TMEM248: variants seen among roughly 807,000 people sequenced by gnomAD.
TMEM248 encodes UPF0458 protein C7orf42.
Under a neutral mutation model 30.3 loss-of-function variants are expected in TMEM248, and 9 were observed. That is an observed-to-expected ratio of 0.30 (90% CI 0.18 to 0.52). TMEM248 has a LOEUF of 0.52. Among genes scored for constraint, TMEM248 ranks in the 20% least tolerant of loss-of-function variants. The pLI is 0.97. For missense variants in TMEM248, 338 were observed against 403.3 expected (o/e 0.84, Z 1.39); for synonymous variants, 184 against 154.4 (o/e 1.19, Z -1.42).
chr7:66,953,383 G>A lies in TMEM248; in HGVS notation c.924+14G>A. On this transcript the variant is annotated intron_variant, in intron 6 of 6. Coordinates refer to ENST00000341567, the MANE Select transcript of TMEM248 (RefSeq NM_017994.5). ...TGTCCCGAGAAGGTGAGCGGTGGAT[G>A]GGGTCCGGGCCAGCATTTTACTAGA... is the stretch of plus-strand genomic sequence containing the variant. The A allele has an allele frequency of 5.0e-6, 8 of 1,613,318 alleles. No homozygotes were observed. The highest frequency in any genetic ancestry group is 6.8e-6 in the Non-Finnish European group (8 of 1,179,432).
rs567206660 is a variant in TMEM248, at chr7:66,948,411, A to C, written c.446-133A>C. 4 of 1,086,860 alleles carry C rather than the reference A, an allele frequency of 3.7e-6. No individual in the cohort carries two copies. The South Asian group carries it at 6.1e-5, about 17-fold the overall frequency. 67.3% of individuals were successfully genotyped at this position (1,086,860 alleles called of 1,614,324 possible). ...AGGGTCAGGACTGCTCTTCTTCCTC[A>C]GATCCCACAAAGGCAGGTGCCTGGG... is the stretch of plus-strand genomic sequence containing the variant. On this transcript the variant is annotated intron_variant, in intron 3 of 6. Coordinates refer to ENST00000341567, the MANE Select transcript of TMEM248 (RefSeq NM_017994.5).
intron 5 of TMEM248, 133 bp downstream of exon 5, chr7:66,951,268 G>A: frequency 1.2e-6 from 1 of 807,836 alleles, no homozygotes; most frequent in Non-Finnish European, 1.8e-6. Flanking sequence ...TAGATTTCCA[G>A]GTGAGTTAGG....
chr7:66,926,204 C>T (rs901071410), intron 1 of TMEM248, among the ~76,000 whole-genome samples: 3 of 152,166 alleles, frequency 2.0e-5, no homozygotes, highest in African/African-American at 7.2e-5. Flanking sequence ...GTCCCTTGCC[C>T]ATTTTTTAAT....
At chr7:66,935,872 A>G (rs750914558) in intron 1 of TMEM248, among the ~76,000 whole-genome samples, 1 of 152,046 alleles carries the variant, frequency 6.6e-6, no homozygotes, top group African/African-American at 2.4e-5. Context: ...ATTGCTCTCT[A>G]TTGGCACGTA....
intron 3 of TMEM248, among the ~76,000 whole-genome samples, chr7:66,947,758 T>A (rs1326237103): frequency 6.6e-6 from 1 of 152,004 alleles, no homozygotes; most frequent in Non-Finnish European, 1.5e-5. Context: ...ATTTAATTTT[T>A]ATTTAAAATT....
intron 4 of TMEM248, among the ~76,000 whole-genome samples, chr7:66,949,820 T>A (rs1353698009): frequency 6.6e-6 from 1 of 151,886 alleles, no homozygotes; most frequent in Non-Finnish European, 1.5e-5. Context: ...TTGTTGTTGG[T>A]TTTTTTTGGT....
chr7:66,923,266 T>C (rs999961177), intron 1 of TMEM248, among the ~76,000 whole-genome samples: 2 of 151,972 alleles, frequency 1.3e-5, no homozygotes, highest in African/African-American at 2.4e-5. Flanking sequence ...CTGCCTCAGC[T>C]GCCTGAGTAG....
At chr7:66,943,352 G>A (rs983188529) in intron 2 of TMEM248, among the ~76,000 whole-genome samples, 51 of 152,224 alleles carry the variant, frequency 3.4e-4, no homozygotes, top group African/African-American at 1.2e-3. Flanking sequence ...ATCCAAATTA[G>A]GCCTGGCATT....
chr7:66,923,566 T>A, intron 1 of TMEM248, among the ~76,000 whole-genome samples: 1 of 152,228 alleles, frequency 6.6e-6, no homozygotes, highest in Non-Finnish European at 1.5e-5. Flanking sequence ...GCTAGGTAGC[T>A]GGACAATCAG....
At chr7:66,927,244 C>A (rs1019804639) in intron 1 of TMEM248, among the ~76,000 whole-genome samples, 2 of 151,892 alleles carry the variant, frequency 1.3e-5, no homozygotes, top group Admixed American at 1.3e-4. Flanking sequence ...GAAAATGGAA[C>A]GATGCATTCA....
rs567800015 is a variant in TMEM248, at chr7:66,928,528, C to T, written c.-19+7067C>T. Among the ~76,000 whole-genome samples, 8 of 152,284 alleles carry T rather than the reference C, an allele frequency of 5.3e-5. No individual in the cohort carries two copies. In the South Asian group the frequency reaches 1.7e-3, roughly 32 times the overall value. On this transcript the variant is annotated intron_variant, in intron 1 of 6. Transcript: ENST00000341567. Reference sequence around the variant, plus strand: ...ATCTGTAAAGTGGGAATAGTAGTATCTATCTAGCAGTGTTGCAAGGATTAA... The same window carrying T: ...ATCTGTAAAGTGGGAATAGTAGTATTTATCTAGCAGTGTTGCAAGGATTAA...
At chr7:66,951,403 T>TG (rs201116609) in intron 5 of TMEM248, 412 of 321,610 alleles carry the variant, frequency 1.3e-3, no homozygotes, top group Non-Finnish European at 1.3e-3. Flanking sequence ...GCCTAATCCC[T>TG]GGGGGGGGTT....
At chr7:66,940,978 G>A (rs917287711) in intron 1 of TMEM248, among the ~76,000 whole-genome samples, 14 of 152,098 alleles carry the variant, frequency 9.2e-5, no homozygotes, top group Admixed American at 3.3e-4. Flanking sequence ...GTCTGGGTAC[G>A]GTGACTCACA....
chr7:66,948,770 G>C (rs553080477), intron 4 of TMEM248, 76 bp downstream of exon 4: 15 of 1,509,614 alleles, frequency 9.9e-6, no homozygotes, highest in Non-Finnish European at 6.3e-6. Flanking sequence ...TGCTTCAGCT[G>C]TAAATTCTCA....
chr7:66,948,680 G>A lies in TMEM248; in HGVS notation c.582G>A (p.Val194=), dbSNP rs776502845. 2 of 1,610,634 alleles carry A rather than the reference G, an allele frequency of 1.2e-6. No homozygotes were observed. Among genetic ancestry groups the A allele is most frequent in the Non-Finnish European group, 8.5e-7 (1 of 1,177,360 alleles). The change falls in exon 4 of 7, where the codon GTG becomes GTA. Residue 194 remains valine (V), a synonymous_variant. Transcript: ENST00000341567. ...ACMTLTASPG[V]FPVTVQPPHC... The stretch of plus-strand genomic sequence containing the variant: ...TGACCCTCACGGCCAGCCCTGGGGT[G>A]TTCCCCGTCACTGTGTAAGTGTACC...
intron 5 of TMEM248, 82 bp downstream of exon 5, chr7:66,951,217 G>A: frequency 7.4e-7 from 1 of 1,353,830 alleles, no homozygotes; most frequent in Middle Eastern, 1.9e-4. Context: ...GTTGGTGTAG[G>A]CCCTGCTGAC....
At chr7:66,930,684 C>G (rs1041414841) in intron 1 of TMEM248, 1 of 152,644 alleles carries the variant, frequency 6.6e-6, no homozygotes, top group Non-Finnish European at 1.5e-5. Context: ...CAGCTGGGTG[C>G]TGGAGCTTGC....
At chr7:66,948,512 G>A in intron 3 of TMEM248, 32 bp from the exon 4 acceptor site, 1 of 1,601,686 alleles carries the variant, frequency 6.2e-7, no homozygotes. Flanking sequence ...CGTGGTTCTT[G>A]ACTTTATAAA....
intron 1 of TMEM248, among the ~76,000 whole-genome samples, chr7:66,937,323 T>C (rs1012944720): frequency 6.6e-6 from 1 of 152,234 alleles, no homozygotes; most frequent in African/African-American, 2.4e-5. Flanking sequence ...TAAGACTTGT[T>C]CTGTGGCCTA....
Sources: gnomAD v4.1 joint callset for allele counts (sites outside exome capture counted in the v4.1 genomes callset) on GRCh38, gnomAD v4.1.1 for gene constraint, MANE v1.5 for transcripts, NCBI Gene and HGNC (gene_info 2026-07-23, HGNC 2026-07-21) for gene names.